DOCK6: variants seen among roughly 807,000 people sequenced by gnomAD.
DOCK6 encodes the protein dedicator of cytokinesis 6.
A neutral mutation model predicts 230.3 loss-of-function variants in DOCK6; 167 were observed. That is an observed-to-expected ratio of 0.73 (90% CI 0.64 to 0.82). DOCK6 has a LOEUF of 0.82. Among genes scored for constraint, DOCK6 ranks in the 40% least tolerant of loss-of-function variants. The pLI, the probability that DOCK6 is intolerant of heterozygous loss-of-function variation, is 0.00. For missense variants in DOCK6, 2,598 were observed against 2,825.8 expected (o/e 0.92, Z 1.83); for synonymous variants, 1,148 against 1,185.0 (o/e 0.97, Z 0.64).
At chr19:11,258,682 C>T (rs1188822319) in intron 1 of DOCK6, among the ~76,000 whole-genome samples, 1 of 151,952 alleles carries the variant, frequency 6.6e-6, no homozygotes, top group East Asian at 1.9e-4. Context: ...ATCCGCCCAC[C>T]TCAGCCTCCC....
chr19:11,199,345 C>T lies in DOCK6; in HGVS notation c.*152G>A, dbSNP rs1404874254. 1.1e-6 allele frequency: 1 copy of T among 923,638 alleles called. No homozygotes were observed. Among genetic ancestry groups the T allele is most frequent in the South Asian group, 1.5e-5 (1 of 66,176 alleles). The allele number at this position is 923,638 out of a possible 1,614,324, so 57.2% of individuals were successfully genotyped here. A position where few individuals can be genotyped will look rare whatever the true frequency, so the allele number is the denominator to read the frequency against. On this transcript the variant is annotated 3_prime_UTR_variant, in exon 48 of 48. Transcript: ENST00000294618. ...AAAAAAGGGAGGAAGCATCAGTGCACACAGATGGGGACACAGGGGCAGAGG... is the reference window on the plus strand; with the variant it reads ...AAAAAAGGGAGGAAGCATCAGTGCATACAGATGGGGACACAGGGGCAGAGG...
intron 37 of DOCK6, among the ~76,000 whole-genome samples, chr19:11,209,937 C>G (rs1432582962): frequency 7.3e-6 from 1 of 136,612 alleles, no homozygotes; most frequent in African/African-American, 2.8e-5. Flanking sequence ...CTGTCTATCC[C>G]CTTACCTGTC....
At chr19:11,227,238 T>G (rs1202234083) in intron 24 of DOCK6, 99 bp downstream of exon 24, 12 of 1,507,006 alleles carry the variant, frequency 8.0e-6, no homozygotes, top group Non-Finnish European at 1.1e-5. Context: ...ATTCCTGGTC[T>G]TACGGCCAGG....
rs544522370 is a variant in DOCK6, at chr19:11,199,465, T to C, written c.*32A>G. ...CAGACAGCTGAGGCCCGGGTGCTGG[T>C]TCCTCTAGGTACAGCTTTGGTCCTT... On this transcript the variant is annotated 3_prime_UTR_variant, in exon 48 of 48. Transcript: ENST00000294618. The C allele has an allele frequency of 3.8e-6, 6 of 1,566,146 alleles. No individual in the cohort carries two copies. The South Asian group carries it at 4.7e-5, about 12-fold the overall frequency.
Position 11,237,633 on chromosome 19 carries a change from C to A in DOCK6, c.1971+8G>T. On this transcript the variant is annotated splice_region_variant and intron_variant, in intron 17 of 47. Transcript: ENST00000294618. ...GGCTCAGGGGGAGGGAGGGAGGGGA[C>A]GGCTCACAGTAAAGCCCACGGGTGT... 1 of 1,591,128 alleles carries A rather than the reference C, an allele frequency of 6.3e-7. No homozygotes were observed.
intron 22 of DOCK6, among the ~76,000 whole-genome samples, chr19:11,230,426 A>T (rs1912654404): frequency 6.6e-6 from 1 of 152,204 alleles, no homozygotes; most frequent in Non-Finnish European, 1.5e-5. Context: ...CAACCACAAC[A>T]GGCAGGAGGA....
Position 11,200,231 on chromosome 19 carries a change from C to T in DOCK6, c.6101+77G>A. 2 of 1,442,130 alleles carry T rather than the reference C, an allele frequency of 1.4e-6. No individual in the cohort carries two copies. The highest frequency in any genetic ancestry group is 1.9e-6 in the Non-Finnish European group (2 of 1,072,290). The allele number at this position is 1,442,130 out of a possible 1,614,324, so 89.3% of individuals were successfully genotyped here. A position where few individuals can be genotyped will look rare whatever the true frequency, so the allele number is the denominator to read the frequency against. On this transcript the variant is annotated intron_variant, in intron 47 of 47. Transcript: ENST00000294618. The surrounding 1 kb of genome is among the most constrained non-coding windows in gnomAD (Gnocchi z 4.3). The stretch of plus-strand genomic sequence containing the variant: ...ATGTTGCTGTGTATGTGTACAACAG[C>T]CCCCATCCTGTACCTGTCCTGGTCT...
At position 11,223,228 on chromosome 19, in the gene DOCK6, T is replaced by C. The variant is rs941514878; in HGVS notation, c.2956-122A>G. On this transcript the variant is annotated intron_variant, in intron 24 of 47. Transcript: ENST00000294618. ...ATCACTGCCCCAAAGCCTTTGTCTG[T>C]GGGCTGTGGTGACTCTGGGACTTCC... is the stretch of plus-strand genomic sequence containing the variant. The C allele has an allele frequency of 3.1e-5, 27 of 859,962 alleles. No individual in the cohort carries two copies. The African/African-American group carries it at 4.6e-4, about 15-fold the overall frequency. 53.3% of individuals were successfully genotyped at this position (859,962 alleles called of 1,614,324 possible).
rs773037265 is a variant in DOCK6, at chr19:11,238,110, G to T, written c.1767C>A (p.Ile589=). 6.8e-6 allele frequency: 11 copies of T among 1,613,852 alleles called. No individual in the cohort carries two copies. Among genetic ancestry groups the T allele is most frequent in the Non-Finnish European group, 9.3e-6 (11 of 1,179,886 alleles). ...GEDPSQALPV[I]FGKSSCSEFT... is the part of the protein sequence containing the mutation. ...ATTCACTGCAGCTGGACTTGCCAAA[G>T]ATGACCTGGGAGAGTGGATTCATGA... Residue 589 remains isoleucine (I), a synonymous_variant, in exon 16 of 48, where the codon ATC becomes ATA. Coordinates refer to ENST00000294618, the MANE Select transcript of DOCK6 (RefSeq NM_020812.4).
intron 22 of DOCK6, among the ~76,000 whole-genome samples, chr19:11,230,129 C>T (rs1418489483): frequency 6.6e-6 from 1 of 150,530 alleles, no homozygotes; most frequent in Non-Finnish European, 1.5e-5. Flanking sequence ...GTCAGGAGAT[C>T]GAGACCATCC....
chr19:11,215,437 G>A lies in DOCK6; in HGVS notation c.4056C>T (p.Arg1352=), dbSNP rs376224520. The A allele has an allele frequency of 8.8e-5, 142 of 1,613,510 alleles. No individual in the cohort carries two copies. The highest frequency in any genetic ancestry group is 6.4e-4 in the African/African-American group (48 of 74,774). Reference sequence around the variant, plus strand: ...TCCAGTGTGTGACGCTCTTCCGCCAGCGCACATTCTCCGGATTCCCAAACG... The same window carrying A: ...TCCAGTGTGTGACGCTCTTCCGCCAACGCACATTCTCCGGATTCCCAAACG... ...RSPFGNPENV[R]WRKSVTHWKQ... Residue 1352 remains arginine (R), a synonymous_variant, in exon 32 of 48, where the codon CGC becomes CGT. Transcript: ENST00000294618.
rs1402362845 is a variant in DOCK6 at position 11,200,222 on chromosome 19, G to T, written c.6101+86C>A. ...CCAGCAAACATGTTGCTGTGTATGT[G>T]TACAACAGCCCCCATCCTGTACCTG... On this transcript the variant is annotated intron_variant, in intron 47 of 47. Transcript: ENST00000294618. This position sits in a 1 kb window ranked among gnomAD's most constrained non-coding sequence, Gnocchi z 4.3. The T allele has an allele frequency of 2.2e-6, 3 of 1,387,208 alleles. No individual in the cohort carries two copies. The highest frequency in any genetic ancestry group is 2.9e-5 in the African/African-American group (2 of 68,578). The allele number at this position is 1,387,208 out of a possible 1,614,324, so 85.9% of individuals were successfully genotyped here.
At chr19:11,237,232 C>T (rs1835543415) in intron 18 of DOCK6, 1 of 611,642 alleles carries the variant, frequency 1.6e-6, no homozygotes, top group South Asian at 1.9e-5. Flanking sequence ...GGAAGGCAGT[C>T]AGGGTGGCTA....
Position 11,227,376 on chromosome 19 carries a change from C to T in DOCK6, c.2916G>A (p.Val972=). The change falls in exon 24 of 48, where the codon GTG becomes GTA. Residue 972 remains valine (V), a synonymous_variant. Transcript: ENST00000294618. ...GRFLDDITAL[V]GSVGLEVITR... ...TGATGACCTCCAGGCCCACAGAGCC[C>T]ACCAAGGCAGTGATGTCGTCCAGGA... 1 of 1,613,920 alleles carries T rather than the reference C, an allele frequency of 6.2e-7. No homozygotes were observed. The highest frequency in any genetic ancestry group is 1.6e-4 in the Middle Eastern group (1 of 6,062).
In DOCK6 at chr19:11,233,321, G is replaced by T. The variant is rs1476918564; in HGVS notation, c.2600C>A (p.Ser867Tyr). The T allele has an allele frequency of 3.1e-6, 5 of 1,613,862 alleles. 1 individual carries two copies. The South Asian group carries it at 5.5e-5, about 18-fold the overall frequency. ...CAGGTAGAGGCTTGCGGGGCGACCA[G>T]AGCCACGGGCCAGTGTGGCAGCCTG... The part of the protein sequence containing the change: ...TVQAATLARG[S>Y]GRPASLYLAR... The change falls in exon 22 of 48, where the codon TCT (serine) becomes TAT (tyrosine). Residue 867 changes from serine to tyrosine, a missense_variant. By Grantham distance (144) the Ser-to-Tyr change is moderately radical. Transcript: ENST00000294618.
chr19:11,213,422 TTGTGTTC>T, intron 34 of DOCK6, 94 bp from the exon 35 acceptor site: 5 of 1,506,596 alleles, frequency 3.3e-6, no homozygotes, highest in Non-Finnish European at 4.5e-6. Flanking sequence ...GGGCAGGGGT[TTGTGTTC>T]TGTCCTCTTT....
rs1452274397 is a variant in DOCK6, at chr19:11,243,071, G to A, written c.1468C>T (p.Arg490Cys). ...RRPSSLLRRL[R>C]PVTAQLKIDI... Reference sequence around the variant, plus strand: ...GTGTGCCACGCACCAGTCACAGGACGTAGTCGCCGCAGCAGGGACGACGGG... The same window carrying A: ...GTGTGCCACGCACCAGTCACAGGACATAGTCGCCGCAGCAGGGACGACGGG... The change falls in exon 13 of 48, where the codon CGT becomes TGT. Residue 490 changes from arginine (R) to cysteine (C), a missense_variant. Transcript: ENST00000294618. The surrounding 1 kb of genome is among the most constrained non-coding windows in gnomAD (Gnocchi z 6.3). 1.2e-6 allele frequency: 2 copies of A among 1,613,766 alleles called. No homozygotes were observed. The highest frequency in any genetic ancestry group is 1.7e-6 in the Non-Finnish European group (2 of 1,179,900).
intron 13 of DOCK6, 119 bp from the exon 14 acceptor site, chr19:11,242,326 G>A: frequency 9.0e-7 from 1 of 1,110,210 alleles, no homozygotes; most frequent in Non-Finnish European, 1.2e-6. Flanking sequence ...TGGGGGCTGT[G>A]TCCCTCAGGC....
intron 20 of DOCK6, 124 bp from the exon 21 acceptor site, chr19:11,235,883 T>A: frequency 1.5e-6 from 2 of 1,302,048 alleles, no homozygotes; most frequent in Non-Finnish European, 2.0e-6. Flanking sequence ...ACAAATTTTT[T>A]TTTTTTTTTT....
Sources: allele counts gnomAD v4.1 joint callset (sites outside exome capture counted in the v4.1 genomes callset), GRCh38; gene constraint gnomAD v4.1.1; non-coding constraint Gnocchi (gnomAD v3.1); transcripts MANE v1.5; gene names NCBI Gene and HGNC (gene_info 2026-07-23, HGNC 2026-07-21).